LYPD6: variants seen among roughly 807,000 people sequenced by gnomAD.
LYPD6 encodes the protein ly6/PLAUR domain-containing protein 6.
A neutral mutation model predicts 22.7 loss-of-function variants in LYPD6; 15 were observed. That is an observed-to-expected ratio of 0.66 (90% CI 0.44 to 1.02). The LOEUF (loss-of-function observed/expected upper bound fraction) is 1.02. LYPD6 is among the 50% of genes least tolerant of loss of function. LYPD6 has a pLI of 0.00. For synonymous variants in LYPD6, 72 were observed against 77.5 expected, an observed-to-expected ratio of 0.93 and a Z score of 0.37; for missense variants, 189 against 208.4, an observed-to-expected ratio of 0.91 and a Z score of 0.57.
At chr2:149,437,320 G>T (rs1303160817) in intron 1 of LYPD6, among the ~76,000 whole-genome samples, 5 of 151,962 alleles carry the variant, frequency 3.3e-5, no homozygotes, top group African/African-American at 1.2e-4. Flanking sequence ...CTTCTTTATC[G>T]TACTCTGGCA....
intron 4 of LYPD6, among the ~76,000 whole-genome samples, chr2:149,469,112 G>A (rs1035883150): frequency 2.6e-5 from 4 of 152,194 alleles, no homozygotes; most frequent in Non-Finnish European, 5.9e-5. Context: ...CTTTGCAGAT[G>A]TACCCAGTTC....
chr2:149,447,461 C>T (rs1380934950), intron 2 of LYPD6, among the ~76,000 whole-genome samples: 1 of 152,204 alleles, frequency 6.6e-6, no homozygotes, highest in Non-Finnish European at 1.5e-5. Context: ...GCCTCTGGTG[C>T]CTCATCCCCA....
At chr2:149,416,017 C>T (rs934637874) in intron 1 of LYPD6, among the ~76,000 whole-genome samples, 7 of 140,010 alleles carry the variant, frequency 5.0e-5, no homozygotes, top group African/African-American at 2.0e-4. Flanking sequence ...ACAAAGCTAA[C>T]AATCCCGAGT....
chr2:149,365,229 C>G (rs1228728504), intron 1 of LYPD6, among the ~76,000 whole-genome samples: 1 of 152,182 alleles, frequency 6.6e-6, no homozygotes, highest in Non-Finnish European at 1.5e-5. Context: ...TCAACTGAAC[C>G]ACATCATCTT....
At chr2:149,354,091 C>G (rs1244583463) in intron 1 of LYPD6, among the ~76,000 whole-genome samples, 4 of 152,166 alleles carry the variant, frequency 2.6e-5, no homozygotes, top group Admixed American at 6.5e-5. Flanking sequence ...TTCACCTGTC[C>G]TTCCTCCCGC....
At chr2:149,442,823 A>C (rs1166343846) in intron 2 of LYPD6, among the ~76,000 whole-genome samples, 1 of 152,192 alleles carries the variant, frequency 6.6e-6, no homozygotes, top group Non-Finnish European at 1.5e-5. Flanking sequence ...GAGATTTGTC[A>C]TTAATCAGGG....
At chr2:149,384,281 A>G (rs1049352899) in intron 1 of LYPD6, among the ~76,000 whole-genome samples, 8 of 152,336 alleles carry the variant, frequency 5.3e-5, no homozygotes, top group African/African-American at 1.4e-4. Flanking sequence ...AGACATTTCC[A>G]TTTATGACAT....
At chr2:149,396,629 T>C (rs1476561092) in intron 1 of LYPD6, among the ~76,000 whole-genome samples, 1 of 152,172 alleles carries the variant, frequency 6.6e-6, no homozygotes, top group Non-Finnish European at 1.5e-5. Flanking sequence ...TTAGAGTCTT[T>C]CTTGGTGTTT....
At chr2:149,352,128 G>A (rs1373469055) in intron 1 of LYPD6, among the ~76,000 whole-genome samples, 2 of 151,880 alleles carry the variant, frequency 1.3e-5, no homozygotes, top group East Asian at 3.9e-4. Flanking sequence ...ATCTAAATGA[G>A]GAGGAAAAAA....
At chr2:149,445,058 A>T (rs1440293383) in intron 2 of LYPD6, among the ~76,000 whole-genome samples, 1 of 152,236 alleles carries the variant, frequency 6.6e-6, no homozygotes, top group Non-Finnish European at 1.5e-5. Context: ...CAACTACAGG[A>T]GGGATGTTGG....
At chr2:149,331,253 G>A (rs1680932902) in intron 1 of LYPD6, among the ~76,000 whole-genome samples, 1 of 152,224 alleles carries the variant, frequency 6.6e-6, no homozygotes, top group African/African-American at 2.4e-5. Flanking sequence ...AGGCCTTTCA[G>A]CCATCCACCC....
chr2:149,352,663 T>C (rs545953562), intron 1 of LYPD6, among the ~76,000 whole-genome samples: 33 of 152,348 alleles, frequency 2.2e-4, no homozygotes, highest in Non-Finnish European at 4.7e-4. Flanking sequence ...TTTGTGTACG[T>C]ATCCTGCATG....
chr2:149,346,309 A>G (rs1378224840), intron 1 of LYPD6, among the ~76,000 whole-genome samples: 1 of 152,188 alleles, frequency 6.6e-6, no homozygotes, highest in Non-Finnish European at 1.5e-5. Context: ...TTTTACACAG[A>G]TTTCACAAAG....
chr2:149,452,590 T>C (rs1001592637), intron 3 of LYPD6, among the ~76,000 whole-genome samples: 1 of 152,134 alleles, frequency 6.6e-6, no homozygotes, highest in African/African-American at 2.4e-5. Context: ...GTTTAAATTA[T>C]CACCTGATGT....
Position 149,451,409 on chromosome 2 carries a change from G to A in LYPD6, c.217+2262G>A, listed in dbSNP as rs145399283. Reference sequence around the variant, plus strand: ...CATATGAACTCTGGGGGACACATTCGGACCATAGCAAAATGTGACTGCTTC... The same window carrying A: ...CATATGAACTCTGGGGGACACATTCAGACCATAGCAAAATGTGACTGCTTC... On this transcript the variant is annotated intron_variant, in intron 3 of 4. Coordinates refer to ENST00000334166, the MANE Select transcript of LYPD6 (RefSeq NM_194317.5). Among the ~76,000 whole-genome samples the A allele has an allele frequency of 2.0e-3, 298 of 152,200 alleles. 2 individuals are homozygous for A. Among genetic ancestry groups the A allele is most frequent in the African/African-American group, 7.0e-3 (290 of 41,538 alleles).
chr2:149,484,931 C>T, the LYPD6 span, among the ~76,000 whole-genome samples: 2 of 152,164 alleles, frequency 1.3e-5, no homozygotes, highest in Non-Finnish European at 2.9e-5. Context: ...GTGGCAAAAC[C>T]CAACAAAAGT....
chr2:149,361,207 G>T (rs1045033190), intron 1 of LYPD6, among the ~76,000 whole-genome samples: 1 of 152,162 alleles, frequency 6.6e-6, no homozygotes, highest in African/African-American at 2.4e-5. Flanking sequence ...GTTATGGGAG[G>T]TAACCAGGAA....
intron 4 of LYPD6, among the ~76,000 whole-genome samples, chr2:149,469,543 A>G (rs1018301054): frequency 1.3e-5 from 2 of 152,170 alleles, no homozygotes; most frequent in East Asian, 1.9e-4. Flanking sequence ...TCCATTCTCA[A>G]TACCTGGGAA....
intron 1 of LYPD6, among the ~76,000 whole-genome samples, chr2:149,409,999 T>C (rs1363273762): frequency 6.6e-6 from 1 of 152,216 alleles, no homozygotes; most frequent in African/African-American, 2.4e-5. Context: ...AAGGTCATGA[T>C]GTGCATCTCC....
Sources: allele counts gnomAD v4.1 joint callset (sites outside exome capture counted in the v4.1 genomes callset), GRCh38; gene constraint gnomAD v4.1.1; transcripts MANE v1.5; gene names NCBI Gene and HGNC (gene_info 2026-07-23, HGNC 2026-07-21).